NTM: variants seen among roughly 807,000 people sequenced by gnomAD.
NTM encodes IgLON family member 2.
Under a neutral mutation model 42.1 loss-of-function variants are expected in NTM, and 13 were observed. That is an observed-to-expected ratio of 0.31 (90% CI 0.20 to 0.49). The LOEUF is 0.49. Ranked by LOEUF, NTM falls within the 20% of genes least tolerant of loss-of-function variation. NTM has a pLI of 0.99. For synonymous variants in NTM, 187 were observed against 179.2 expected (o/e 1.04, Z -0.35); for missense variants, 373 against 452.8 (o/e 0.82, Z 1.60).
intron 1 of NTM, among the ~76,000 whole-genome samples, chr11:131,691,388 C>A (rs1044739165): frequency 7.9e-5 from 12 of 152,212 alleles, no homozygotes; most frequent in African/African-American, 2.9e-4. Context: ...GCTCCTTTTC[C>A]GCCCCGTGCG....
intron 3 of NTM, among the ~76,000 whole-genome samples, chr11:132,187,988 G>A (rs2078693834): frequency 6.6e-6 from 1 of 152,128 alleles, no homozygotes; most frequent in Non-Finnish European, 1.5e-5. Context: ...CAGAAAGCAA[G>A]AAAGCCTCCT....
chr11:131,696,074 C>T (rs2075405172), intron 1 of NTM, among the ~76,000 whole-genome samples: 1 of 152,172 alleles, frequency 6.6e-6, no homozygotes, highest in South Asian at 2.1e-4. Flanking sequence ...ATGTGACAGA[C>T]ATGAAAGAAC....
chr11:131,682,256 G>T (rs1000596732), intron 1 of NTM, among the ~76,000 whole-genome samples: 1 of 152,212 alleles, frequency 6.6e-6, no homozygotes, highest in African/African-American at 2.4e-5. Flanking sequence ...TAGCTGAGGA[G>T]CCTCTGGTTT....
intron 2 of NTM, chr11:131,981,337 GT>G (rs2065202526): frequency 6.6e-6 from 1 of 152,192 alleles, no homozygotes; most frequent in Non-Finnish European, 1.5e-5. Context: ...GAGCTCCAAT[GT>G]GCCTCTGTTT....
Position 131,598,689 on chromosome 11 carries a change from T to TTTCTTTCTTTC in NTM, c.82+227802_82+227803insTCTTTCTTTCT, listed in dbSNP as rs1565684899. Among the ~76,000 whole-genome samples the TTTCTTTCTTTC allele has an allele frequency of 6.8e-4, 28 of 41,296 alleles. 8 individuals carry two copies. Among genetic ancestry groups the TTTCTTTCTTTC allele is most frequent in the Admixed American group, 4.9e-3 (18 of 3,704 alleles). 27.1% of individuals were successfully genotyped at this position (41,296 alleles called of 152,430 possible). On this transcript the variant is annotated intron_variant, in intron 1 of 8. Coordinates refer to ENST00000683400, the MANE Select transcript of NTM (RefSeq NM_001352005.2). ...ACTACTCTCTTCTCATTTGTTTTCTTTCTTTCTTTCTTTCTTTCTTTCTTT... is the reference window on the plus strand; with the variant it reads ...ACTACTCTCTTCTCATTTGTTTTCTTTTCTTTCTTTCTCTTTCTTTCTTTCTTTCTTTCTTT...
At chr11:132,153,695 T>C (rs2072507602) in intron 3 of NTM, among the ~76,000 whole-genome samples, 1 of 152,162 alleles carries the variant, frequency 6.6e-6, no homozygotes, top group South Asian at 2.1e-4. Flanking sequence ...TTTCCGTCCA[T>C]CTGTTGTCAG....
chr11:131,544,307 G>C (rs1215738850), intron 1 of NTM, among the ~76,000 whole-genome samples: 1 of 152,120 alleles, frequency 6.6e-6, no homozygotes, highest in Non-Finnish European at 1.5e-5. Flanking sequence ...AAGAAGAAAG[G>C]GTGAGTCTCC....
At chr11:131,866,796 A>T (rs918236355) in intron 1 of NTM, among the ~76,000 whole-genome samples, 1 of 152,212 alleles carries the variant, frequency 6.6e-6, no homozygotes, top group Non-Finnish European at 1.5e-5. Flanking sequence ...CTTAAAAAAA[A>T]GTGGCGATTT....
intron 2 of NTM, among the ~76,000 whole-genome samples, chr11:131,983,374 CTTTTTTTT>C (rs151133606): frequency 1.6e-5 from 2 of 122,416 alleles, no homozygotes; most frequent in African/African-American, 6.2e-5. Context: ...AAAATTGTAT[CTTTTTTTT>C]TTTTTTTTTT....
At chr11:131,594,418 C>T (rs924764659) in intron 1 of NTM, among the ~76,000 whole-genome samples, 17 of 151,934 alleles carry the variant, frequency 1.1e-4, no homozygotes, top group African/African-American at 3.9e-4. Flanking sequence ...TTTTTTAAGA[C>T]AGGGTCTTGC....
chr11:132,206,995 C>T (rs1429182143), intron 3 of NTM, among the ~76,000 whole-genome samples: 1 of 152,172 alleles, frequency 6.6e-6, no homozygotes, highest in Non-Finnish European at 1.5e-5. Context: ...CATAGAGGGC[C>T]AGGCAAATTG....
intron 3 of NTM, among the ~76,000 whole-genome samples, chr11:132,162,183 G>T (rs1012738347): frequency 1.1e-4 from 11 of 95,766 alleles, no homozygotes; most frequent in Non-Finnish European, 2.2e-4. Context: ...TTGTGTTTTG[G>T]GGGGAGTGTG....
chr11:131,521,576 A>G (rs2049729454), intron 1 of NTM, among the ~76,000 whole-genome samples: 1 of 151,314 alleles, frequency 6.6e-6, no homozygotes, highest in Non-Finnish European at 1.5e-5. Flanking sequence ...AGGCTTATTT[A>G]AATGACCAGC....
At chr11:132,219,105 GTCTT>G in intron 4 of NTM, among the ~76,000 whole-genome samples, 1 of 152,208 alleles carries the variant, frequency 6.6e-6, no homozygotes, top group East Asian at 1.9e-4. Flanking sequence ...CACACTAGAT[GTCTT>G]TGACTTTGCA....
At chr11:131,867,375 G>A (rs2047326153) in intron 1 of NTM, among the ~76,000 whole-genome samples, 1 of 152,062 alleles carries the variant, frequency 6.6e-6, no homozygotes. Flanking sequence ...GTGTGTCTGG[G>A]GGTGTGTGTG....
At chr11:131,439,624 G>C (rs531446835) in intron 1 of NTM, among the ~76,000 whole-genome samples, 1 of 152,356 alleles carries the variant, frequency 6.6e-6, no homozygotes, top group East Asian at 1.9e-4. Context: ...TCATGCACGG[G>C]ATATAATCTC....
chr11:131,401,820 A>ATATATATATATATATATATGTG (rs1945212092), intron 1 of NTM, among the ~76,000 whole-genome samples: 4 of 49,914 alleles, frequency 8.0e-5, no homozygotes, highest in Admixed American at 1.8e-4. Context: ...ATATATATAT[A>ATATATATATATATATATATGTG]TATATATATA....
chr11:132,201,464 C>G (rs1434719204), intron 3 of NTM, among the ~76,000 whole-genome samples: 5 of 152,284 alleles, frequency 3.3e-5, no homozygotes, highest in African/African-American at 9.6e-5. Flanking sequence ...CACAGCTTAA[C>G]GAGGCCTTGC....
intron 1 of NTM, among the ~76,000 whole-genome samples, chr11:131,621,803 CAG>C (rs572194621): frequency 8.1e-4 from 94 of 115,626 alleles, no homozygotes; most frequent in African/African-American, 3.2e-3. Flanking sequence ...GCCTGGGCAA[CAG>C]AGCAAGACCT....
Sources: gnomAD v4.1 joint callset for allele counts (sites outside exome capture counted in the v4.1 genomes callset) on GRCh38, gnomAD v4.1.1 for gene constraint, MANE v1.5 for transcripts, NCBI Gene and HGNC (gene_info 2026-07-23, HGNC 2026-07-21) for gene names.